Variants in COA1 observed in about 807,000 individuals in gnomAD.
The protein encoded by COA1 is cytochrome c oxidase assembly factor 1.
Under a neutral mutation model 16.0 loss-of-function variants are expected in COA1, and 13 were observed. That is an observed-to-expected ratio of 0.81 (90% CI 0.53 to 1.29). COA1 has a LOEUF of 1.29. Among genes scored for constraint, COA1 ranks in the 50% most tolerant of loss-of-function variants. The pLI is 0.00. For missense variants in COA1, 179 were observed against 177.0 expected, an observed-to-expected ratio of 1.01 and a Z score of -0.06; for synonymous variants, 65 against 65.7, an observed-to-expected ratio of 0.99 and a Z score of 0.05.
intron 1 of COA1, among the ~76,000 whole-genome samples, chr7:43,694,886 T>G (rs1264563268): frequency 6.6e-6 from 1 of 152,210 alleles, no homozygotes; most frequent in Non-Finnish European, 1.5e-5. Context: ...AAGATTAAAC[T>G]CCAGGCTTCT....
At chr7:43,690,626 T>C (rs1321071806) in intron 1 of COA1, among the ~76,000 whole-genome samples, 1 of 152,162 alleles carries the variant, frequency 6.6e-6, no homozygotes, top group African/African-American at 2.4e-5. Context: ...CTCACTCATA[T>C]GTGGGAGCTA....
At chr7:43,670,003 C>T (rs2093158833) in intron 1 of COA1, among the ~76,000 whole-genome samples, 1 of 152,052 alleles carries the variant, frequency 6.6e-6, no homozygotes, top group Non-Finnish European at 1.5e-5. Flanking sequence ...TGGGCTGAAG[C>T]AGGGAGACTT....
chr7:43,689,501 C>T (rs1387377743), intron 1 of COA1, among the ~76,000 whole-genome samples: 1 of 151,954 alleles, frequency 6.6e-6, no homozygotes, highest in Non-Finnish European at 1.5e-5. Context: ...AACTGTCAAC[C>T]CAGAAGTCTA....
chr7:43,689,974 G>A (rs1585022593), intron 1 of COA1, among the ~76,000 whole-genome samples: 1 of 152,174 alleles, frequency 6.6e-6, no homozygotes, highest in East Asian at 1.9e-4. Context: ...AAACTGAAAA[G>A]AGAAACAAAG....
intron 1 of COA1, among the ~76,000 whole-genome samples, chr7:43,679,919 CAGATTTCTAAA>C (rs1268807335): frequency 6.6e-6 from 1 of 151,950 alleles, no homozygotes; most frequent in African/African-American, 2.4e-5. Context: ...TAAATAGTAA[CAGATTTCTAAA>C]AGAAAAAATA....
chr7:43,614,800 G>A (rs545117593), intron 6 of COA1, among the ~76,000 whole-genome samples: 1 of 152,152 alleles, frequency 6.6e-6, no homozygotes, highest in South Asian at 2.1e-4. Context: ...CATACAATAA[G>A]ATTTTAATAA....
In COA1 at chr7:43,686,998, C is replaced by G. The variant is rs574207911; in HGVS notation, c.-38-38346G>C. Among the ~76,000 whole-genome samples the G allele has an allele frequency of 2.0e-5, 3 of 152,254 alleles. No homozygotes were observed. The South Asian group carries it at 6.2e-4, about 32-fold the overall frequency. ...AAGGATTTCCACTGAGGCCCCAAAT[C>G]CTATTCCCTCCTATACTTTATAATC... On this transcript the variant is annotated intron_variant, in intron 1 of 5. Coordinates refer to ENST00000223336, the MANE Select transcript of COA1 (RefSeq NM_018224.4).
chr7:43,724,769 G>C (rs1054339080), intron 1 of COA1, among the ~76,000 whole-genome samples: 2 of 152,290 alleles, frequency 1.3e-5, no homozygotes, highest in Middle Eastern at 3.4e-3. Context: ...AATTAACCTT[G>C]AAGACATGCT....
chr7:43,719,935 G>A (rs1057141593), intron 1 of COA1, among the ~76,000 whole-genome samples: 3 of 152,142 alleles, frequency 2.0e-5, no homozygotes, highest in African/African-American at 4.8e-5. Flanking sequence ...AGGGAGGAGG[G>A]AGGAATGTTG....
intron 1 of COA1, among the ~76,000 whole-genome samples, chr7:43,679,073 G>A (rs976953485): frequency 2.0e-5 from 3 of 152,120 alleles, no homozygotes; most frequent in Admixed American, 1.3e-4. Flanking sequence ...GAGGTCAGGA[G>A]GTCGAGACCA....
intron 1 of COA1, among the ~76,000 whole-genome samples, chr7:43,722,863 T>C (rs2132205825): frequency 6.6e-6 from 1 of 152,304 alleles, no homozygotes; most frequent in East Asian, 1.9e-4. Context: ...TCTAAGTCCA[T>C]CTGGGGACCT....
At chr7:43,700,529 G>GATATATATATAT (rs142644587) in intron 1 of COA1, among the ~76,000 whole-genome samples, 4 of 142,690 alleles carry the variant, frequency 2.8e-5, no homozygotes, top group Middle Eastern at 3.8e-3. Context: ...AATGTAGGCA[G>GATATATATATAT]ATATATATAT....
rs540401406 is a variant in COA1 at position 43,663,307 on chromosome 7, A to C, written c.-38-14655T>G. On this transcript the variant is annotated intron_variant, in intron 1 of 5. Coordinates refer to ENST00000223336, the MANE Select transcript of COA1 (RefSeq NM_018224.4). ...CAGCCTGCAGAATAATGAGCCAATT[A>C]AACTTCTTTTCTTTATAAATTACCC... Among the ~76,000 whole-genome samples, 8 of 152,292 alleles carry C rather than the reference A, an allele frequency of 5.3e-5. No homozygotes were observed. The South Asian group carries it at 1.7e-3, about 32-fold the overall frequency.
chr7:43,630,354 A>AT (rs2085052984), intron 6 of COA1, among the ~76,000 whole-genome samples: 1 of 152,128 alleles, frequency 6.6e-6, no homozygotes, highest in South Asian at 2.1e-4. Flanking sequence ...AAATAAAACT[A>AT]TTTTTCCTAA....
intron 1 of COA1, among the ~76,000 whole-genome samples, chr7:43,694,004 C>G (rs1479669789): frequency 2.0e-5 from 3 of 151,620 alleles, no homozygotes; most frequent in Admixed American, 2.0e-4. Context: ...AGCAGATGAT[C>G]TTGCTTCCTA....
At chr7:43,668,756 C>A (rs1434973573) in intron 1 of COA1, among the ~76,000 whole-genome samples, 1 of 152,160 alleles carries the variant, frequency 6.6e-6, no homozygotes, top group Non-Finnish European at 1.5e-5. Flanking sequence ...GTGCCCATAA[C>A]CCTGAGGTTT....
At chr7:43,621,943 C>T (rs1169716523) in intron 6 of COA1, among the ~76,000 whole-genome samples, 1 of 152,146 alleles carries the variant, frequency 6.6e-6, no homozygotes, top group Non-Finnish European at 1.5e-5. Flanking sequence ...GAGTTCTGGC[C>T]CTGTACTTGC....
At chr7:43,645,553 G>A (rs1378446803) in intron 3 of COA1, 154 bp from the exon 4 acceptor site, 17 of 663,410 alleles carry the variant, frequency 2.6e-5, no homozygotes, top group Non-Finnish European at 4.3e-5. Flanking sequence ...ACTCTAAATT[G>A]TCCATTTTAC....
chr7:43,669,770 T>A (rs201383316), intron 1 of COA1, among the ~76,000 whole-genome samples: 15 of 54,908 alleles, frequency 2.7e-4, no homozygotes, highest in African/African-American at 5.9e-4. Flanking sequence ...CAAAAAAAAA[T>A]TAAAAAAAAA....
Sources: gnomAD v4.1 joint callset for allele counts (sites outside exome capture counted in the v4.1 genomes callset) on GRCh38, gnomAD v4.1.1 for gene constraint, MANE v1.5 for transcripts, NCBI Gene and HGNC (gene_info 2026-07-23, HGNC 2026-07-21) for gene names.